Variants in EXOC6B observed in about 807,000 individuals in gnomAD.
EXOC6B encodes the protein exocyst complex component 6B.
EXOC6B carries 54 observed loss-of-function variants against 113.5 expected under a neutral mutation model. The ratio of observed to expected loss-of-function variants is 0.48; its 90% CI spans 0.38 to 0.60. The LOEUF is 0.60. Ranked by LOEUF, EXOC6B falls within the 20% of genes least tolerant of loss-of-function variation. The pLI is 0.00. For synonymous variants in EXOC6B, 357 were observed against 339.0 expected (o/e 1.05, Z -0.58); for missense variants, 797 against 977.5 (o/e 0.82, Z 2.46).
At chr2:72,548,589 AAC>A (rs1703033718) in intron 8 of EXOC6B, among the ~76,000 whole-genome samples, 2 of 152,304 alleles carry the variant, frequency 1.3e-5, no homozygotes. Flanking sequence ...GATATTGTGT[AAC>A]AGTCCCCGTG....
At position 72,495,514 on chromosome 2, in the gene EXOC6B, A is replaced by C; in HGVS notation, c.1469T>G (p.Phe490Cys). Residue 490 changes from phenylalanine to cysteine, a missense_variant, in exon 15 of 22, where the codon TTC becomes TGC. Coordinates refer to ENST00000272427, the MANE Select transcript of EXOC6B (RefSeq NM_015189.3). Reference protein sequence around the residue: ...EKQPFPKKFPFSEFVPKVYNQ... With the variant: ...EKQPFPKKFPCSEFVPKVYNQ... ...GTAAACTTTTGGCACAAATTCAGAGAAAGGAAACTTTTTTGGAAATGGTTG... is the reference window on the plus strand; with the variant it reads ...GTAAACTTTTGGCACAAATTCAGAGCAAGGAAACTTTTTTGGAAATGGTTG... The C allele has an allele frequency of 6.2e-7, 1 of 1,607,522 alleles. No homozygotes were observed. The highest frequency in any genetic ancestry group is 8.5e-7 in the Non-Finnish European group (1 of 1,176,270).
intron 6 of EXOC6B, among the ~76,000 whole-genome samples, chr2:72,636,980 T>C (rs983799501): frequency 2.7e-5 from 4 of 149,616 alleles, no homozygotes; most frequent in African/African-American, 9.8e-5. Flanking sequence ...TCACAGCATA[T>C]AACATCGATA....
At chr2:72,766,832 T>C (rs1683087055) in intron 1 of EXOC6B, among the ~76,000 whole-genome samples, 2 of 151,268 alleles carry the variant, frequency 1.3e-5, no homozygotes. Flanking sequence ...TGCGCGTCTG[T>C]AATCCCAGCT....
At chr2:72,208,540 T>C (rs536083406) in intron 20 of EXOC6B, among the ~76,000 whole-genome samples, 14 of 152,294 alleles carry the variant, frequency 9.2e-5, no homozygotes, top group Non-Finnish European at 1.3e-4. Context: ...AGCATGGCAA[T>C]GAACAAACAA....
chr2:72,813,960 G>GA (rs899568979), intron 1 of EXOC6B, among the ~76,000 whole-genome samples: 4 of 151,666 alleles, frequency 2.6e-5, no homozygotes, highest in Admixed American at 6.6e-5. Flanking sequence ...TTTGCAAAGG[G>GA]AAAAAAAACA....
intron 1 of EXOC6B, among the ~76,000 whole-genome samples, chr2:72,812,703 A>G (rs1685989286): frequency 6.6e-6 from 1 of 151,936 alleles, no homozygotes; most frequent in Non-Finnish European, 1.5e-5. Flanking sequence ...AAAAATAAAT[A>G]AATAAAAATT....
At chr2:72,270,314 GA>G (rs1479282315) in intron 20 of EXOC6B, among the ~76,000 whole-genome samples, 5 of 152,100 alleles carry the variant, frequency 3.3e-5, no homozygotes, top group African/African-American at 1.2e-4. Flanking sequence ...GGTCTCAGGG[GA>G]TCCTGAGCAG....
intron 6 of EXOC6B, among the ~76,000 whole-genome samples, chr2:72,701,887 C>T (rs1044976919): frequency 1.3e-5 from 2 of 151,188 alleles, no homozygotes; most frequent in Admixed American, 1.3e-4. Flanking sequence ...GTACAGAAGG[C>T]AATTATCTCC....
At chr2:72,299,119 A>G (rs1205340231) in intron 20 of EXOC6B, among the ~76,000 whole-genome samples, 4 of 151,998 alleles carry the variant, frequency 2.6e-5, no homozygotes, top group African/African-American at 9.7e-5. Flanking sequence ...TTACAGGTAC[A>G]CCAATCAGAC....
At chr2:72,453,534 T>C (rs1044498088) in intron 18 of EXOC6B, among the ~76,000 whole-genome samples, 2 of 152,196 alleles carry the variant, frequency 1.3e-5, no homozygotes, top group Admixed American at 1.3e-4. Flanking sequence ...ATTTGTCTTA[T>C]AAAACTTTCA....
At chr2:72,491,624 A>G (rs1699750705) in intron 16 of EXOC6B, among the ~76,000 whole-genome samples, 2 of 152,144 alleles carry the variant, frequency 1.3e-5, no homozygotes, top group Non-Finnish European at 1.5e-5. Context: ...TCCAAGGGAG[A>G]GAACTTCACA....
intron 6 of EXOC6B, among the ~76,000 whole-genome samples, chr2:72,698,743 T>C (rs766840529): frequency 1.2e-4 from 19 of 152,216 alleles, no homozygotes; most frequent in Non-Finnish European, 1.9e-4. Context: ...CACCAATCTA[T>C]TATCTAAACT....
At chr2:72,674,086 T>C (rs573354983) in intron 6 of EXOC6B, among the ~76,000 whole-genome samples, 2 of 152,314 alleles carry the variant, frequency 1.3e-5, no homozygotes, top group South Asian at 2.1e-4. Flanking sequence ...TGAAGAAGGA[T>C]ATTTGCTTTT....
At chr2:72,796,751 C>T (rs1027863061) in intron 1 of EXOC6B, among the ~76,000 whole-genome samples, 6 of 152,086 alleles carry the variant, frequency 3.9e-5, no homozygotes, top group Non-Finnish European at 5.9e-5. Context: ...CTACCTTGCA[C>T]GACCCATGTT....
chr2:72,401,634 TATAC>T lies in EXOC6B; in HGVS notation c.1981-21768_1981-21765del, dbSNP rs1202575369. Reference sequence around the variant, plus strand: ...ATATATATATATACATATATATATATATACATATATACATATATATATATATATA... The same window carrying T: ...ATATATATATATACATATATATATATATATATACATATATATATATATATA... On this transcript the variant is annotated intron_variant, in intron 18 of 21. Transcript: ENST00000272427. Among the ~76,000 whole-genome samples, 6 of 47,690 alleles carry T rather than the reference TATAC, an allele frequency of 1.3e-4. 1 individual carries two copies. Among genetic ancestry groups the T allele is most frequent in the African/African-American group, 9.7e-4 (4 of 4,128 alleles). 31.3% of individuals were successfully genotyped at this position (47,690 alleles called of 152,430 possible). A position where few individuals can be genotyped will look rare whatever the true frequency, so the allele number is the denominator to read the frequency against.
chr2:72,791,989 A>G (rs1207314377), intron 1 of EXOC6B, among the ~76,000 whole-genome samples: 1 of 152,234 alleles, frequency 6.6e-6, no homozygotes, highest in Non-Finnish European at 1.5e-5. Context: ...AATTTATCCT[A>G]GATGCCTGGA....
At chr2:72,719,125 A>T (rs975893739) in intron 5 of EXOC6B, among the ~76,000 whole-genome samples, 2 of 151,728 alleles carry the variant, frequency 1.3e-5, no homozygotes, top group Non-Finnish European at 2.9e-5. Flanking sequence ...TACTTCCAAC[A>T]CCCTCCCCCT....
chr2:72,498,609 T>G (rs1193204801), intron 12 of EXOC6B, 58 bp from the exon 13 acceptor site: 2 of 1,165,064 alleles, frequency 1.7e-6, no homozygotes, highest in Non-Finnish European at 2.4e-6. Context: ...TTTTTCGGTT[T>G]TTTTTTTTTT....
chr2:72,372,129 T>C (rs565619451), intron 19 of EXOC6B, among the ~76,000 whole-genome samples: 46 of 152,092 alleles, frequency 3.0e-4, no homozygotes, highest in Admixed American at 9.2e-4. Context: ...GTAAAGGATC[T>C]TACAAACTAT....
Sources: allele counts gnomAD v4.1 joint callset (sites outside exome capture counted in the v4.1 genomes callset), GRCh38; gene constraint gnomAD v4.1.1; transcripts MANE v1.5; gene names NCBI Gene and HGNC (gene_info 2026-07-23, HGNC 2026-07-21).